Variants in ADGRV1 observed in about 807,000 individuals in gnomAD.
The protein encoded by ADGRV1 is adhesion G protein-coupled receptor V1.
ADGRV1 carries 359 observed loss-of-function variants against 596.2 expected under a neutral mutation model. The ratio of observed to expected loss-of-function variants is 0.60; its 90% CI spans 0.55 to 0.66. The LOEUF (loss-of-function observed/expected upper bound fraction) is 0.66. Among genes scored for constraint, ADGRV1 ranks in the 30% least tolerant of loss-of-function variants. The pLI is 0.00. For missense variants in ADGRV1, 7,274 were observed against 7,575.6 expected, an observed-to-expected ratio of 0.96 and a Z score of 1.48; for synonymous variants, 2,681 against 2,679.2, an observed-to-expected ratio of 1.00 and a Z score of -0.02.
chr5:91,064,797 A>C (rs1332374097), intron 85 of ADGRV1, among the ~76,000 whole-genome samples: 2 of 152,196 alleles, frequency 1.3e-5, no homozygotes, highest in African/African-American at 2.4e-5. Flanking sequence ...TGTTTTCATA[A>C]ATTTATTCCT....
intron 87 of ADGRV1, among the ~76,000 whole-genome samples, chr5:91,125,465 T>G (rs1397545329): frequency 1.3e-5 from 2 of 152,124 alleles, no homozygotes; most frequent in East Asian, 3.9e-4. Flanking sequence ...TCCCTGAAAG[T>G]ACATTGACAA....
At chr5:90,787,629 G>C (rs924054389) in intron 67 of ADGRV1, among the ~76,000 whole-genome samples, 30 of 86,796 alleles carry the variant, frequency 3.5e-4, no homozygotes, top group African/African-American at 1.2e-3. Flanking sequence ...TTCGCTCTTT[G>C]TTGCCTAGGC....
At chr5:90,604,677 G>A (rs140829364) in intron 1 of ADGRV1, among the ~76,000 whole-genome samples, 11 of 152,050 alleles carry the variant, frequency 7.2e-5, no homozygotes, top group East Asian at 3.9e-4. Flanking sequence ...TTAGACAGAC[G>A]GGTGCCATCT....
At chr5:90,885,788 C>T (rs1225675845) in intron 83 of ADGRV1, among the ~76,000 whole-genome samples, 2 of 151,850 alleles carry the variant, frequency 1.3e-5, no homozygotes, top group Non-Finnish European at 2.9e-5. Flanking sequence ...TTGTCTGGCC[C>T]TTTTATTCTT....
intron 89 of ADGRV1, among the ~76,000 whole-genome samples, chr5:91,157,031 G>A (rs1796533800): frequency 6.6e-6 from 1 of 152,212 alleles, no homozygotes; most frequent in South Asian, 2.1e-4. Context: ...TTGGAACTGA[G>A]TAATAGCAGC....
Position 90,739,620 on chromosome 5 carries a change from C to A in ADGRV1, c.10550-5426C>A, listed in dbSNP as rs372559357. Among the ~76,000 whole-genome samples the A allele has an allele frequency of 3.3e-5, 5 of 152,314 alleles. No individual in the cohort carries two copies. In the East Asian group the frequency reaches 7.7e-4, roughly 23 times the overall value. ...CAGTGACATCTCTGGTTGGGGTCTT[C>A]AGTAAGTCAGAGCTGTTGCCTGGGC... On this transcript the variant is annotated intron_variant, in intron 50 of 89. Coordinates refer to ENST00000405460, the MANE Select transcript of ADGRV1 (RefSeq NM_032119.4).
intron 85 of ADGRV1, among the ~76,000 whole-genome samples, chr5:90,994,570 T>C (rs556730092): frequency 5.3e-5 from 8 of 152,202 alleles, no homozygotes; most frequent in Non-Finnish European, 1.2e-4. Flanking sequence ...TGAGGGATAG[T>C]TTCTATTCAT....
intron 85 of ADGRV1, among the ~76,000 whole-genome samples, chr5:90,988,615 T>A (rs1480909831): frequency 1.3e-5 from 2 of 152,136 alleles, no homozygotes; most frequent in Non-Finnish European, 2.9e-5. Context: ...CTTATAAATA[T>A]CTTTACCAGA....
chr5:91,065,790 C>T (rs751995206), intron 85 of ADGRV1, among the ~76,000 whole-genome samples: 19 of 152,062 alleles, frequency 1.2e-4, no homozygotes, highest in Non-Finnish European at 2.6e-4. Context: ...GGGAATGCTC[C>T]GAGGGTAGAC....
chr5:91,039,314 T>G (rs1785151777), intron 85 of ADGRV1, among the ~76,000 whole-genome samples: 1 of 152,184 alleles, frequency 6.6e-6, no homozygotes, highest in Admixed American at 6.5e-5. Context: ...TTTGTTACCT[T>G]CGTTATCGGT....
At chr5:90,880,643 G>T (rs1769670731) in intron 83 of ADGRV1, among the ~76,000 whole-genome samples, 3 of 152,058 alleles carry the variant, frequency 2.0e-5, no homozygotes. Flanking sequence ...TCCAGTTTTT[G>T]ATGATTTTTA....
chr5:90,971,220 C>T (rs539401308), intron 84 of ADGRV1, among the ~76,000 whole-genome samples: 1 of 152,266 alleles, frequency 6.6e-6, no homozygotes, highest in African/African-American at 2.4e-5. Flanking sequence ...AAATCTACGT[C>T]TGATTGGTGT....
intron 1 of ADGRV1, chr5:90,614,166 AAAAAAAG>A (rs1244844187): frequency 4.6e-5 from 17 of 369,884 alleles, no homozygotes; most frequent in Non-Finnish European, 7.1e-5. Context: ...AAAAAAAAAA[AAAAAAAG>A]AAAGTTGTCA....
rs377626561 is a variant in ADGRV1 at position 90,776,533 on chromosome 5, A to G, written c.12484A>G (p.Ile4162Val). The change falls in exon 61 of 90, where the codon ATT becomes GTT. Residue 4162 changes from isoleucine to valine, a missense_variant. Transcript: ENST00000405460. ...GIAPSSRHILIGEPSAKYNGT... is the reference protein window; with the variant it reads ...GIAPSSRHILVGEPSAKYNGT... ...AGCTCCGTCATCTAGGCACATCCTC[A>G]TTGGGGAACCCTCAGCAAAATATAA... 6.2e-6 allele frequency: 10 copies of G among 1,613,186 alleles called. No homozygotes were observed. The highest frequency in any genetic ancestry group is 2.2e-5 in the East Asian group (1 of 44,876).
At chr5:90,827,013 G>T (rs1375862865) in intron 76 of ADGRV1, among the ~76,000 whole-genome samples, 1 of 152,142 alleles carries the variant, frequency 6.6e-6, no homozygotes, top group Non-Finnish European at 1.5e-5. Context: ...AACTTAGGAA[G>T]CATGCTCTTA....
At chr5:90,720,815 C>A in intron 44 of ADGRV1, 120 bp from the exon 45 acceptor site, 3 of 713,226 alleles carry the variant, frequency 4.2e-6, no homozygotes, top group Non-Finnish European at 6.2e-6. Flanking sequence ...TTCTTATCAT[C>A]TCATCTTGGA....
chr5:91,065,670 A>AG (rs1581947461), intron 85 of ADGRV1, among the ~76,000 whole-genome samples: 1 of 152,306 alleles, frequency 6.6e-6, no homozygotes, highest in Non-Finnish European at 1.5e-5. Flanking sequence ...GCCCACATAA[A>AG]ATTTTTTTAA....
At chr5:90,802,526 C>T (rs1488873825) in intron 70 of ADGRV1, among the ~76,000 whole-genome samples, 1 of 152,160 alleles carries the variant, frequency 6.6e-6, no homozygotes, top group African/African-American at 2.4e-5. Context: ...CCACTGTGCC[C>T]AGCCAATTTG....
intron 50 of ADGRV1, among the ~76,000 whole-genome samples, 152 bp downstream of exon 50, chr5:90,729,916 G>T (rs1365887143): frequency 1.3e-5 from 2 of 151,920 alleles, no homozygotes; most frequent in Non-Finnish European, 2.9e-5. Flanking sequence ...GCCCAGGCTG[G>T]AGTGCAGTGG....
Sources: allele counts gnomAD v4.1 joint callset (sites outside exome capture counted in the v4.1 genomes callset), GRCh38; gene constraint gnomAD v4.1.1; transcripts MANE v1.5; gene names NCBI Gene and HGNC (gene_info 2026-07-23, HGNC 2026-07-21).